The following ACOT12 variants were observed in gnomAD, a reference collection of about 807,000 sequenced individuals.
ACOT12 encodes the protein acetyl-coenzyme A thioesterase.
A neutral mutation model predicts 67.7 loss-of-function variants in ACOT12; 51 were observed. The observed-to-expected ratio is 0.75, with a 90% CI of 0.60 to 0.95. The LOEUF (loss-of-function observed/expected upper bound fraction) is 0.95. Among genes scored for constraint, ACOT12 ranks in the 40% least tolerant of loss-of-function variants. The pLI, the probability that ACOT12 is intolerant of heterozygous loss-of-function variation, is 0.00. For synonymous variants in ACOT12, 251 were observed against 244.6 expected (o/e 1.03, Z -0.24); for missense variants, 734 against 708.1 (o/e 1.04, Z -0.41).
chr5:81,337,075 C>G (rs1284892996), intron 11 of ACOT12, among the ~76,000 whole-genome samples: 1 of 152,066 alleles, frequency 6.6e-6, no homozygotes, highest in Non-Finnish European at 1.5e-5. Flanking sequence ...TGAGACACAC[C>G]CTACTTAGCA....
intron 1 of ACOT12, among the ~76,000 whole-genome samples, chr5:81,386,303 G>C (rs1027099035): frequency 2.0e-5 from 3 of 152,122 alleles, no homozygotes; most frequent in African/African-American, 7.2e-5. Context: ...AAATCAAAGA[G>C]GATCTTCTCT....
At chr5:81,310,635 T>C in the ACOT12 span, among the ~76,000 whole-genome samples, 1 of 152,226 alleles carries the variant, frequency 6.6e-6, no homozygotes, top group Non-Finnish European at 1.5e-5. Context: ...GTGTTGTAAT[T>C]CACAATCCTG....
chr5:81,375,240 T>G (rs187720468), intron 2 of ACOT12, among the ~76,000 whole-genome samples: 12 of 152,240 alleles, frequency 7.9e-5, no homozygotes, highest in African/African-American at 2.9e-4. Flanking sequence ...CCAGGCAAAC[T>G]AAGCTTCATA....
chr5:81,369,008 T>C (rs751121007), intron 3 of ACOT12, among the ~76,000 whole-genome samples: 6 of 151,956 alleles, frequency 3.9e-5, no homozygotes, highest in Non-Finnish European at 8.8e-5. Flanking sequence ...CTTCGTGTAG[T>C]GATGGGAACG....
chr5:81,359,768 G>T (rs1489920078), intron 5 of ACOT12, 135 bp downstream of exon 5: 10 of 936,274 alleles, frequency 1.1e-5, no homozygotes, highest in African/African-American at 1.7e-5. Context: ...CCAGCCACCG[G>T]GTTTGTTGGA....
intron 2 of ACOT12, among the ~76,000 whole-genome samples, chr5:81,382,626 A>T (rs1208231468): frequency 6.6e-6 from 1 of 151,808 alleles, no homozygotes; most frequent in African/African-American, 2.4e-5. Flanking sequence ...ATGAAACCCC[A>T]TCTCTACTAA....
intron 2 of ACOT12, among the ~76,000 whole-genome samples, chr5:81,381,283 G>T (rs1760577575): frequency 6.6e-6 from 1 of 151,986 alleles, no homozygotes; most frequent in South Asian, 2.1e-4. Context: ...GGCCAGGCTG[G>T]TCTCAAAATT....
At chr5:81,356,965 G>C (rs1485261052) in intron 5 of ACOT12, among the ~76,000 whole-genome samples, 2 of 151,734 alleles carry the variant, frequency 1.3e-5, no homozygotes, top group African/African-American at 4.8e-5. Context: ...GAAAGGCCAA[G>C]CCTCTCGACA....
At chr5:81,359,769 G>C in intron 5 of ACOT12, 134 bp downstream of exon 5, 1 of 955,798 alleles carries the variant, frequency 1.0e-6, no homozygotes. Context: ...CAGCCACCGG[G>C]TTTGTTGGAA....
At chr5:81,349,585 G>T (rs577490259) in intron 5 of ACOT12, among the ~76,000 whole-genome samples, 1 of 152,222 alleles carries the variant, frequency 6.6e-6, no homozygotes, top group South Asian at 2.1e-4. Context: ...GACCTCCACA[G>T]CTCAGCCCCA....
chr5:81,376,658 T>A lies in ACOT12; in HGVS notation c.198-4848A>T, dbSNP rs575118748. 4.6e-5 allele frequency among the ~76,000 whole-genome samples: 7 copies of A among 152,080 alleles called. No individual in the cohort carries two copies. In the East Asian group the frequency reaches 1.4e-3, roughly 30 times the overall value. On this transcript the variant is annotated intron_variant, in intron 2 of 14. Transcript: ENST00000307624. ...ACAATAAAAAATGATAAAGAGGATA[T>A]CATCACTGATCTCACAGAAATACAA...
chr5:81,336,797 G>A lies in ACOT12; in HGVS notation c.1129-896C>T, dbSNP rs535624749. Among the ~76,000 whole-genome samples, 4 of 152,264 alleles carry A rather than the reference G, an allele frequency of 2.6e-5. No homozygotes were observed. The South Asian group carries it at 6.2e-4, about 24-fold the overall frequency. ...ATATGGGGTTAGGACTTCACTGCAG[G>A]AATCAAGCAGATGGGAAAAATCAGG... On this transcript the variant is annotated intron_variant, in intron 11 of 14. Transcript: ENST00000307624.
chr5:81,374,941 C>T (rs1425884547), intron 2 of ACOT12, among the ~76,000 whole-genome samples: 1 of 152,154 alleles, frequency 6.6e-6, no homozygotes, highest in Non-Finnish European at 1.5e-5. Flanking sequence ...AGGAGAACTT[C>T]CCCAACCTAG....
chr5:81,344,528 AG>A (rs1196218238), intron 8 of ACOT12, among the ~76,000 whole-genome samples: 4 of 152,312 alleles, frequency 2.6e-5, no homozygotes, highest in African/African-American at 9.6e-5. Flanking sequence ...ATTGGCAATC[AG>A]GTAATTTAGG....
chr5:81,315,099 T>G, the ACOT12 span, among the ~76,000 whole-genome samples: 1 of 152,194 alleles, frequency 6.6e-6, no homozygotes, highest in East Asian at 1.9e-4. Flanking sequence ...AGCCCTAAAA[T>G]CCCAGGTTTC....
chr5:81,383,033 C>G (rs576972288), intron 2 of ACOT12, among the ~76,000 whole-genome samples: 7 of 152,040 alleles, frequency 4.6e-5, no homozygotes, highest in Non-Finnish European at 8.8e-5. Flanking sequence ...TATCTAATGA[C>G]AGAATGGTTG....
the ACOT12 span, among the ~76,000 whole-genome samples, chr5:81,316,289 C>G: frequency 6.6e-6 from 1 of 152,176 alleles, no homozygotes; most frequent in East Asian, 1.9e-4. Context: ...CAGCCAATAC[C>G]CTTAAGCAGT....
At chr5:81,361,603 T>A (rs1001533996) in intron 4 of ACOT12, among the ~76,000 whole-genome samples, 1 of 152,176 alleles carries the variant, frequency 6.6e-6, no homozygotes. Flanking sequence ...CCAAGATACC[T>A]CGCATATGTT....
At chr5:81,359,856 C>T (rs1306622378) in intron 5 of ACOT12, 47 bp downstream of exon 5, 3 of 1,564,266 alleles carry the variant, frequency 1.9e-6, no homozygotes, top group Non-Finnish European at 2.6e-6. Context: ...GACTCCTTTG[C>T]CTGTCACAGT....
Sources: gnomAD v4.1 joint callset for allele counts (sites outside exome capture counted in the v4.1 genomes callset) on GRCh38, gnomAD v4.1.1 for gene constraint, MANE v1.5 for transcripts, NCBI Gene and HGNC (gene_info 2026-07-23, HGNC 2026-07-21) for gene names.